RAB21: variants seen among roughly 807,000 people sequenced by gnomAD.
The protein encoded by RAB21 is ras-related protein Rab-21.
RAB21 carries 13 observed loss-of-function variants against 33.1 expected under a neutral mutation model. The ratio of observed to expected loss-of-function variants is 0.39; its 90% CI spans 0.26 to 0.62. The LOEUF is 0.62. RAB21 is among the 20% of genes least tolerant of loss of function. The probability of loss-of-function intolerance (pLI) is 0.48; values close to 1 mark genes in which losing one functional copy is unlikely to be tolerated. For missense variants in RAB21, 234 were observed against 279.1 expected (o/e 0.84, Z 1.15); for synonymous variants, 91 against 103.7 (o/e 0.88, Z 0.74).
chr12:71,764,602 C>T (rs916426151), intron 1 of RAB21, among the ~76,000 whole-genome samples: 2 of 151,870 alleles, frequency 1.3e-5, no homozygotes, highest in Non-Finnish European at 2.9e-5. Context: ...TATCCCATAC[C>T]CTCCTCCAAA....
In RAB21 at chr12:71,759,232, G is replaced by A. The variant is rs139865710; in HGVS notation, c.159+3944G>A. Among the ~76,000 whole-genome samples the A allele has an allele frequency of 8.5e-5, 13 of 152,314 alleles. No individual in the cohort carries two copies. In the East Asian group the frequency reaches 1.9e-3, roughly 23 times the overall value. ...CAAAACACTGACTGGGCTCCTTTGGGCCAGGTACTGGGTTGGGTCCTGGAC... is the reference window on the plus strand; with the variant it reads ...CAAAACACTGACTGGGCTCCTTTGGACCAGGTACTGGGTTGGGTCCTGGAC... On this transcript the variant is annotated intron_variant, in intron 1 of 6. Transcript: ENST00000261263.
chr12:71,769,794 T>A lies in RAB21; in HGVS notation c.160-6T>A, dbSNP rs200600962. On this transcript the variant is annotated splice_region_variant and splice_polypyrimidine_tract_variant and intron_variant, in intron 1 of 6. Transcript: ENST00000261263. ...AACATTGTTTAATGTTTATTTCTCT[T>A]TTTAGGCATCATTCTTAACAAAGAA... 80 of 1,339,492 alleles carry A rather than the reference T, an allele frequency of 6.0e-5. No homozygotes were observed. The East Asian group carries it at 1.8e-3, about 30-fold the overall frequency. The allele number at this position is 1,339,492 out of a possible 1,614,324, so 83.0% of individuals were successfully genotyped here.
chr12:71,767,962 A>G (rs943846192), intron 1 of RAB21, among the ~76,000 whole-genome samples: 1 of 152,184 alleles, frequency 6.6e-6, no homozygotes, highest in Non-Finnish European at 1.5e-5. Context: ...CTGAGATTCA[A>G]ATCCACAGGT....
At chr12:71,771,658 A>T (rs979475309) in intron 3 of RAB21, among the ~76,000 whole-genome samples, 5 of 152,156 alleles carry the variant, frequency 3.3e-5, no homozygotes, top group African/African-American at 7.2e-5. Context: ...GCATGAAAAG[A>T]CATAGTTTAA....
Position 71,797,160 on chromosome 12 carries a change from A to C in RAB21, c.*11487A>C, listed in dbSNP as rs1289412970. On this transcript the variant is annotated 3_prime_UTR_variant, in exon 7 of 7. Transcript: ENST00000261263. ...ATGTCCTCAAGGAACTTAAAAACCT[A>C]TTGGAAGATTTATTTAACAGAGGTA... 6.6e-6 allele frequency: 1 copy of C among 152,204 alleles called. No homozygotes were observed. The highest frequency in any genetic ancestry group is 2.4e-5 in the African/African-American group (1 of 41,460). 9.4% of individuals were successfully genotyped at this position (152,204 alleles called of 1,614,324 possible). A position where few individuals can be genotyped will look rare whatever the true frequency, so the allele number is the denominator to read the frequency against.
intron 1 of RAB21, among the ~76,000 whole-genome samples, chr12:71,756,467 T>G (rs1287077841): frequency 6.6e-6 from 1 of 152,182 alleles, no homozygotes; most frequent in African/African-American, 2.4e-5. Context: ...ATCTCCTAAT[T>G]GTTGTGACAT....
chr12:71,798,857 G>A lies in RAB21; in HGVS notation c.*13184G>A, dbSNP rs1883500564. 6.6e-6 allele frequency: 1 copy of A among 152,162 alleles called. No individual in the cohort carries two copies. Among genetic ancestry groups the A allele is most frequent in the African/African-American group, 2.4e-5 (1 of 41,452 alleles). The allele number at this position is 152,162 out of a possible 1,614,324, so 9.4% of individuals were successfully genotyped here. A position where few individuals can be genotyped will look rare whatever the true frequency, so the allele number is the denominator to read the frequency against. The stretch of plus-strand genomic sequence containing the variant: ...CCCAATGTACTCTTCAAGTTGCAGA[G>A]GCTGAGAAATTATTAAACTGTTACC... On this transcript the variant is annotated 3_prime_UTR_variant, in exon 7 of 7. Coordinates refer to ENST00000261263, the MANE Select transcript of RAB21 (RefSeq NM_014999.4).
chr12:71,762,420 C>T (rs1305555059), intron 1 of RAB21, among the ~76,000 whole-genome samples: 1 of 152,138 alleles, frequency 6.6e-6, no homozygotes, highest in Non-Finnish European at 1.5e-5. Context: ...ATTCTCCTGC[C>T]TCAGCCTCCC....
At chr12:71,771,934 C>T (rs1883048885) in intron 3 of RAB21, among the ~76,000 whole-genome samples, 1 of 151,600 alleles carries the variant, frequency 6.6e-6, no homozygotes, top group African/African-American at 2.4e-5. Context: ...CTAGATCGCG[C>T]CACTGGACTC....
intron 3 of RAB21, among the ~76,000 whole-genome samples, chr12:71,772,753 A>G (rs1397973256): frequency 6.6e-6 from 1 of 152,202 alleles, no homozygotes; most frequent in Non-Finnish European, 1.5e-5. Context: ...ATAAAGTGGA[A>G]GTTAAATGCT....
chr12:71,785,432 G>C, intron 6 of RAB21, 99 bp from the exon 7 acceptor site: 1 of 1,374,788 alleles, frequency 7.3e-7, no homozygotes, highest in Non-Finnish European at 9.9e-7. Context: ...TTTGTTGGTC[G>C]AAAGTCAGAA....
chr12:71,765,442 G>A (rs1450290042), intron 1 of RAB21, among the ~76,000 whole-genome samples: 1 of 152,114 alleles, frequency 6.6e-6, no homozygotes, highest in Non-Finnish European at 1.5e-5. Flanking sequence ...CTGTGCAGAA[G>A]CGTTTCAGTT....
Position 71,794,659 on chromosome 12 carries a change from C to G in RAB21, c.*8986C>G, listed in dbSNP as rs1434238990. 6.9e-6 allele frequency: 1 copy of G among 145,906 alleles called. No individual in the cohort carries two copies. The highest frequency in any genetic ancestry group is 1.5e-5 in the Non-Finnish European group (1 of 66,284). 9.0% of individuals were successfully genotyped at this position (145,906 alleles called of 1,614,324 possible). On this transcript the variant is annotated 3_prime_UTR_variant, in exon 7 of 7. Transcript: ENST00000261263. ...TTCACCGTGTTAGCCAGGATGGTCTCTATCTCCTGACCTTGTTATCCGCCC... is the reference window on the plus strand; with the variant it reads ...TTCACCGTGTTAGCCAGGATGGTCTGTATCTCCTGACCTTGTTATCCGCCC...
rs796604969 is a variant in RAB21, at chr12:71,762,431, G to A, written c.159+7143G>A. ...CGCCATTCTCCTGCCTCAGCCTCCC[G>A]AGTAGCTGGGACTACAGGCGCCCGC... On this transcript the variant is annotated intron_variant, in intron 1 of 6. Coordinates refer to ENST00000261263, the MANE Select transcript of RAB21 (RefSeq NM_014999.4). Among the ~76,000 whole-genome samples, 7 of 151,952 alleles carry A rather than the reference G, an allele frequency of 4.6e-5. No homozygotes were observed. In the South Asian group the frequency reaches 8.3e-4, roughly 18 times the overall value.
At chr12:71,778,040 CTATT>C (rs1395355262) in intron 4 of RAB21, among the ~76,000 whole-genome samples, 1 of 152,190 alleles carries the variant, frequency 6.6e-6, no homozygotes, top group African/African-American at 2.4e-5. Context: ...TCTCATGTAA[CTATT>C]TAAAGCTAAG....
intron 6 of RAB21, among the ~76,000 whole-genome samples, chr12:71,784,693 A>G (rs555491173): frequency 3.3e-5 from 5 of 151,882 alleles, no homozygotes; most frequent in Non-Finnish European, 5.9e-5. Context: ...TCATTGTCTC[A>G]CTGTTTTGAT....
intron 1 of RAB21, among the ~76,000 whole-genome samples, chr12:71,767,460 C>T (rs1256044058): frequency 6.6e-6 from 1 of 152,016 alleles, no homozygotes; most frequent in Non-Finnish European, 1.5e-5. Flanking sequence ...GTTAGGGAAC[C>T]CTTCGATGAG....
Position 71,785,197 on chromosome 12 carries a change from CTTT to C in RAB21, c.536-333_536-331del, listed in dbSNP as rs528325807. On this transcript the variant is annotated intron_variant, in intron 6 of 6. Transcript: ENST00000261263. The stretch of plus-strand genomic sequence containing the variant: ...ATATTACTTGGAATAATTTGAACTT[CTTT>C]GACATATTTCTAAGTGTGTTTGGAA... Among the ~76,000 whole-genome samples, 3 of 152,306 alleles carry C rather than the reference CTTT, an allele frequency of 2.0e-5. No individual in the cohort carries two copies. In the East Asian group the frequency reaches 5.8e-4, roughly 29 times the overall value.
At chr12:71,767,866 TTTTG>T (rs1882985146) in intron 1 of RAB21, among the ~76,000 whole-genome samples, 1 of 152,110 alleles carries the variant, frequency 6.6e-6, no homozygotes, top group Admixed American at 6.6e-5. Flanking sequence ...AGGATTCAGA[TTTTG>T]TTTTTTTTCC....
Sources: allele counts gnomAD v4.1 joint callset (sites outside exome capture counted in the v4.1 genomes callset), GRCh38; gene constraint gnomAD v4.1.1; transcripts MANE v1.5; gene names NCBI Gene and HGNC (gene_info 2026-07-23, HGNC 2026-07-21).